Variants in PBX1 observed in about 807,000 individuals in gnomAD.
The protein encoded by PBX1 is PBX homeobox 1.
In PBX1, 6 loss-of-function variants were observed where a neutral mutation model predicts 53.4. The observed-to-expected ratio is 0.11, with a 90% CI of 0.06 to 0.22. PBX1 has a LOEUF of 0.22. PBX1 is among the 10% of genes least tolerant of loss of function. The probability of loss-of-function intolerance (pLI) is 1.00; values close to 1 mark genes in which losing one functional copy is unlikely to be tolerated. For synonymous variants in PBX1, 204 were observed against 212.3 expected, an observed-to-expected ratio of 0.96 and a Z score of 0.34; for missense variants, 251 against 551.4, an observed-to-expected ratio of 0.46 and a Z score of 5.46.
chr1:164,821,265 C>A (rs1260650660), intron 7 of PBX1, among the ~76,000 whole-genome samples: 1 of 152,182 alleles, frequency 6.6e-6, no homozygotes, highest in Non-Finnish European at 1.5e-5. Flanking sequence ...CTAATCCTTA[C>A]CATCTCATGC....
chr1:164,628,581 G>A (rs1253580019), intron 2 of PBX1, among the ~76,000 whole-genome samples: 1 of 152,196 alleles, frequency 6.6e-6, no homozygotes, highest in African/African-American at 2.4e-5. Flanking sequence ...TTGATGGGAT[G>A]TGGAATTTGA....
chr1:164,729,189 G>A (rs1315497897), intron 2 of PBX1, among the ~76,000 whole-genome samples: 1 of 152,188 alleles, frequency 6.6e-6, no homozygotes, highest in African/African-American at 2.4e-5. Context: ...ATATGTGGTT[G>A]AATTCTTACA....
At chr1:164,601,067 C>T (rs923129564) in intron 2 of PBX1, among the ~76,000 whole-genome samples, 2 of 151,686 alleles carry the variant, frequency 1.3e-5, no homozygotes, top group Non-Finnish European at 2.9e-5. Flanking sequence ...GGTGAAACCC[C>T]GTCTCTACTA....
At chr1:164,766,918 C>T (rs1369984688) in intron 2 of PBX1, among the ~76,000 whole-genome samples, 4 of 151,580 alleles carry the variant, frequency 2.6e-5, no homozygotes, top group African/African-American at 7.3e-5. Context: ...TTGGTAGAGA[C>T]GGGGTTTCAC....
chr1:164,781,047 T>A (rs1197436348), intron 2 of PBX1, among the ~76,000 whole-genome samples: 1 of 152,078 alleles, frequency 6.6e-6, no homozygotes, highest in African/African-American at 2.4e-5. Flanking sequence ...ACAGCACGAG[T>A]GACTCATTAG....
chr1:164,849,322 A>G lies in PBX1; in HGVS notation c.*2646A>G. 6 of 1,535,452 alleles carry G rather than the reference A, an allele frequency of 3.9e-6. No homozygotes were observed. The highest frequency in any genetic ancestry group is 4.4e-6 in the Non-Finnish European group (5 of 1,146,686). On this transcript the variant is annotated 3_prime_UTR_variant, in exon 9 of 9. Coordinates refer to ENST00000420696, the MANE Select transcript of PBX1 (RefSeq NM_002585.4). ...ATTTTCCCCAACCAGCATTTCACTT[A>G]GTCTTCTCTATACCCAGCACCTCCC...
chr1:164,784,109 C>A (rs1274658225), intron 2 of PBX1, among the ~76,000 whole-genome samples: 1 of 152,222 alleles, frequency 6.6e-6, no homozygotes, highest in African/African-American at 2.4e-5. Context: ...CCAGGTCTCA[C>A]ACACCCTTCC....
In PBX1 at chr1:164,756,261, A is replaced by G. The variant is rs1008894532; in HGVS notation, c.266-36233A>G. On this transcript the variant is annotated intron_variant, in intron 2 of 8. Transcript: ENST00000420696. Reference sequence around the variant, plus strand: ...CTCCATCCCTTCCTCACACTGCCCTATGTAACCCAAGTCCTTGTCACAAAA... The same window carrying G: ...CTCCATCCCTTCCTCACACTGCCCTGTGTAACCCAAGTCCTTGTCACAAAA... Among the ~76,000 whole-genome samples the G allele has an allele frequency of 3.3e-5, 5 of 152,256 alleles. No individual in the cohort carries two copies. In the South Asian group the frequency reaches 6.2e-4, roughly 19 times the overall value.
intron 3 of PBX1, among the ~76,000 whole-genome samples, chr1:164,799,299 G>T (rs1482665010): frequency 6.6e-6 from 1 of 152,086 alleles, no homozygotes; most frequent in Admixed American, 6.5e-5. Context: ...GACCATCCTG[G>T]CTAACACAGT....
chr1:164,586,626 A>G (rs1017198376), intron 2 of PBX1, among the ~76,000 whole-genome samples: 3 of 152,234 alleles, frequency 2.0e-5, no homozygotes, highest in Non-Finnish European at 4.4e-5. Flanking sequence ...TGTAAATTAT[A>G]AAGCACCATG....
intron 2 of PBX1, among the ~76,000 whole-genome samples, chr1:164,713,499 T>TA (rs1663914688): frequency 6.6e-6 from 1 of 152,216 alleles, no homozygotes; most frequent in Admixed American, 6.5e-5. Flanking sequence ...CTTCCTATCT[T>TA]AAAGTACATT....
chr1:164,739,763 G>GCA (rs1183365718), intron 2 of PBX1, among the ~76,000 whole-genome samples: 5 of 106,944 alleles, frequency 4.7e-5, no homozygotes, highest in African/African-American at 1.3e-4. Context: ...ATGTGTGTGT[G>GCA]TGTGTGTGTG....
intron 2 of PBX1, among the ~76,000 whole-genome samples, chr1:164,788,752 T>TCCCC (rs11429159): frequency 1.5e-4 from 10 of 68,946 alleles, no homozygotes; most frequent in Non-Finnish European, 2.2e-4. Context: ...CCCGCCGCCC[T>TCCCC]CCCCCCCCCG....
intron 2 of PBX1, among the ~76,000 whole-genome samples, chr1:164,867,406 T>C (rs568697424): frequency 1.8e-4 from 27 of 152,278 alleles, no homozygotes; most frequent in Admixed American, 1.7e-3. Context: ...TCAGAGACCA[T>C]GCAGAAAAAA....
At chr1:164,707,410 TGTGTGTGTGAGAGAGAGAGA>T (rs1557956022) in intron 2 of PBX1, among the ~76,000 whole-genome samples, 2 of 110,690 alleles carry the variant, frequency 1.8e-5, no homozygotes, top group Non-Finnish European at 3.6e-5. Flanking sequence ...TGTGTGTGTG[TGTGTGTGTGAGAGAGAGAGA>T]GAGAGAGAGA....
chr1:164,813,702 T>C (rs1669734756), intron 6 of PBX1: 1 of 152,254 alleles, frequency 6.6e-6, no homozygotes, highest in Non-Finnish European at 1.5e-5. Context: ...CTGTCCCTGG[T>C]ATATCTGCAT....
At chr1:164,738,283 A>G (rs754383476) in intron 2 of PBX1, among the ~76,000 whole-genome samples, 1 of 152,038 alleles carries the variant, frequency 6.6e-6, no homozygotes, top group Non-Finnish European at 1.5e-5. Flanking sequence ...TTGTATTCCC[A>G]AGTCATACGG....
At chr1:164,877,584 A>G (rs1672545718) in intron 2 of PBX1, among the ~76,000 whole-genome samples, 1 of 151,940 alleles carries the variant, frequency 6.6e-6, no homozygotes, top group Non-Finnish European at 1.5e-5. Flanking sequence ...AATCACTTGA[A>G]CCCAGTAGAC....
intron 2 of PBX1, among the ~76,000 whole-genome samples, chr1:164,738,573 C>G (rs1310413566): frequency 6.6e-6 from 1 of 152,198 alleles, no homozygotes; most frequent in African/African-American, 2.4e-5. Flanking sequence ...CCACCACATC[C>G]TGCAATATAT....
Sources: allele counts gnomAD v4.1 joint callset (sites outside exome capture counted in the v4.1 genomes callset), GRCh38; gene constraint gnomAD v4.1.1; transcripts MANE v1.5; gene names NCBI Gene and HGNC (gene_info 2026-07-23, HGNC 2026-07-21).